The following MAML3 variants were observed in gnomAD, a reference collection of about 807,000 sequenced individuals.
The protein encoded by MAML3 is mastermind-like protein 3.
A neutral mutation model predicts 101.9 loss-of-function variants in MAML3; 27 were observed. The observed-to-expected ratio is 0.27, with a 90% CI of 0.20 to 0.37. The LOEUF (loss-of-function observed/expected upper bound fraction) is 0.37. MAML3 is among the 10% of genes least tolerant of loss of function. The probability of loss-of-function intolerance (pLI) is 1.00; values close to 1 mark genes in which losing one functional copy is unlikely to be tolerated. For synonymous variants in MAML3, 501 were observed against 555.9 expected, an observed-to-expected ratio of 0.90 and a Z score of 1.39; for missense variants, 1,316 against 1,444.9, an observed-to-expected ratio of 0.91 and a Z score of 1.45.
chr4:140,127,825 A>G (rs1255387403), intron 1 of MAML3, among the ~76,000 whole-genome samples: 1 of 152,158 alleles, frequency 6.6e-6, no homozygotes, highest in African/African-American at 2.4e-5. Flanking sequence ...GCTGTACTAA[A>G]AGCACAGAGA....
chr4:139,789,478 C>T (rs376427113), intron 2 of MAML3, among the ~76,000 whole-genome samples: 7 of 152,202 alleles, frequency 4.6e-5, no homozygotes, highest in African/African-American at 9.6e-5. Context: ...ATGAGCGAAG[C>T]GGAGCACACA....
chr4:139,905,838 C>T (rs1039933151), intron 1 of MAML3, among the ~76,000 whole-genome samples: 40 of 152,132 alleles, frequency 2.6e-4, no homozygotes, highest in Non-Finnish European at 5.1e-4. Flanking sequence ...TTAGGGCCTA[C>T]CCTAATGCCC....
chr4:140,115,787 A>G (rs993743358), intron 1 of MAML3, among the ~76,000 whole-genome samples: 1 of 152,214 alleles, frequency 6.6e-6, no homozygotes, highest in Admixed American at 6.5e-5. Context: ...ATTAAGGTCA[A>G]ATTTTTGTGA....
At chr4:139,804,558 C>T (rs1312307467) in intron 2 of MAML3, among the ~76,000 whole-genome samples, 3 of 152,088 alleles carry the variant, frequency 2.0e-5, no homozygotes, top group Non-Finnish European at 4.4e-5. Flanking sequence ...TGAGCCACAG[C>T]GCCAAGCCTC....
chr4:140,135,243 G>A (rs927215498), intron 1 of MAML3, among the ~76,000 whole-genome samples: 5 of 152,176 alleles, frequency 3.3e-5, no homozygotes, highest in African/African-American at 1.2e-4. Context: ...CCACATAGAC[G>A]AATACTCTAT....
At chr4:140,011,612 G>C (rs1726565995) in intron 1 of MAML3, among the ~76,000 whole-genome samples, 2 of 152,004 alleles carry the variant, frequency 1.3e-5, no homozygotes, top group South Asian at 2.1e-4. Context: ...CCAAAGTGCT[G>C]GGATTACAGG....
intron 3 of MAML3, among the ~76,000 whole-genome samples, chr4:139,728,364 C>T (rs939526725): frequency 5.3e-5 from 8 of 152,228 alleles, no homozygotes; most frequent in African/African-American, 9.6e-5. Flanking sequence ...ACATGACATT[C>T]GCTGACACCA....
intron 1 of MAML3, among the ~76,000 whole-genome samples, chr4:140,063,827 T>G (rs1385033568): frequency 6.6e-6 from 1 of 152,122 alleles, no homozygotes; most frequent in Non-Finnish European, 1.5e-5. Flanking sequence ...GATTTCAAGT[T>G]GTCTTTCTTT....
chr4:139,892,751 C>T (rs973890997), intron 1 of MAML3, among the ~76,000 whole-genome samples: 3 of 151,904 alleles, frequency 2.0e-5, no homozygotes, highest in Non-Finnish European at 4.4e-5. Context: ...CGGTGAAACC[C>T]CATCTGTGCT....
At chr4:139,904,256 A>G (rs1732776232) in intron 1 of MAML3, among the ~76,000 whole-genome samples, 1 of 151,818 alleles carries the variant, frequency 6.6e-6, no homozygotes, top group Non-Finnish European at 1.5e-5. Flanking sequence ...TAGCAAACTA[A>G]TGAAACTGAT....
intron 2 of MAML3, among the ~76,000 whole-genome samples, chr4:139,863,384 CT>C (rs564148379): frequency 8.6e-6 from 1 of 116,422 alleles, no homozygotes; most frequent in African/African-American, 3.1e-5. Flanking sequence ...GAGTTTTGCT[CT>C]TGTTGCCCAG....
In MAML3 at chr4:139,828,751, T is replaced by C. The variant is rs963663973; in HGVS notation, c.2079+60606A>G. On this transcript the variant is annotated intron_variant, in intron 2 of 4. Coordinates refer to ENST00000509479, the MANE Select transcript of MAML3 (RefSeq NM_018717.5). ...TTTTTTTAAAAACATAGTTTTATTG[T>C]AATGAATTACGGTCTTTACTCACAA... is the stretch of plus-strand genomic sequence containing the variant. Among the ~76,000 whole-genome samples the C allele has an allele frequency of 5.3e-5, 8 of 150,094 alleles. No individual in the cohort carries two copies. The East Asian group carries it at 1.5e-3, about 29-fold the overall frequency.
intron 1 of MAML3, among the ~76,000 whole-genome samples, chr4:139,967,070 T>G (rs1734146914): frequency 6.6e-6 from 1 of 152,134 alleles, no homozygotes; most frequent in African/African-American, 2.4e-5. Context: ...ATACTTAAAG[T>G]AAGGATCAAA....
chr4:139,942,586 C>A (rs1313939168), intron 1 of MAML3, among the ~76,000 whole-genome samples: 2 of 151,796 alleles, frequency 1.3e-5, no homozygotes, highest in Non-Finnish European at 2.9e-5. Flanking sequence ...AATCAGTCAT[C>A]AGAAAGATGA....
chr4:140,005,497 T>C (rs1726428984), intron 1 of MAML3, among the ~76,000 whole-genome samples: 1 of 152,242 alleles, frequency 6.6e-6, no homozygotes, highest in Non-Finnish European at 1.5e-5. Context: ...CTCCAGGTAA[T>C]GGATGATGAC....
chr4:140,118,272 A>T (rs773181578), intron 1 of MAML3, among the ~76,000 whole-genome samples: 3 of 151,890 alleles, frequency 2.0e-5, no homozygotes, highest in Non-Finnish European at 4.4e-5. Context: ...ACCGTGTACT[A>T]GCTGTATGAC....
chr4:139,916,345 C>T (rs929959551), intron 1 of MAML3, among the ~76,000 whole-genome samples: 1 of 152,224 alleles, frequency 6.6e-6, no homozygotes, highest in Non-Finnish European at 1.5e-5. Flanking sequence ...TTCTTTCAGC[C>T]GTTCTCAGAA....
intron 2 of MAML3, among the ~76,000 whole-genome samples, chr4:139,781,546 C>T (rs1730216181): frequency 7.4e-6 from 1 of 135,402 alleles, no homozygotes; most frequent in Non-Finnish European, 1.7e-5. Context: ...GTACAGCACA[C>T]CCATTACGGC....
At chr4:139,905,990 C>T (rs758587710) in intron 1 of MAML3, among the ~76,000 whole-genome samples, 59 of 152,332 alleles carry the variant, frequency 3.9e-4, no homozygotes, top group Non-Finnish European at 6.2e-4. Flanking sequence ...GCTGGTTAAG[C>T]AAACAGACAA....
Sources: allele counts gnomAD v4.1 joint callset (sites outside exome capture counted in the v4.1 genomes callset), GRCh38; gene constraint gnomAD v4.1.1; transcripts MANE v1.5; gene names NCBI Gene and HGNC (gene_info 2026-07-23, HGNC 2026-07-21).